The following LUZP2 variants were observed in gnomAD, a reference collection of about 807,000 sequenced individuals.
LUZP2 encodes leucine zipper protein 2.
In LUZP2, 52 loss-of-function variants were observed where a neutral mutation model predicts 51.6. The observed-to-expected ratio is 1.01, with a 90% CI of 0.81 to 1.27. The LOEUF (loss-of-function observed/expected upper bound fraction) is 1.27, where lower values mean the gene tolerates loss of function less well. Ranked by LOEUF, LUZP2 falls within the 50% of genes most tolerant of loss-of-function variation. The pLI, the probability that LUZP2 is intolerant of heterozygous loss-of-function variation, is 0.00. For synonymous variants in LUZP2, 154 were observed against 137.3 expected (o/e 1.12, Z -0.85); for missense variants, 436 against 395.4 (o/e 1.10, Z -0.87).
At chr11:24,587,041 T>G (rs1853090173) in intron 1 of LUZP2, among the ~76,000 whole-genome samples, 2 of 152,142 alleles carry the variant, frequency 1.3e-5, no homozygotes, top group South Asian at 4.1e-4. Context: ...TTTCCTCTGA[T>G]GTAACACAAA....
In LUZP2 at chr11:25,053,610, G is replaced by C. The variant is rs540195065; in HGVS notation, c.858+3480G>C. ...CTAAGCCTCAGGCAACCAAAAACAT[G>C]GTTTCTTTTTGTATTTGTTTGTACC... On this transcript the variant is annotated intron_variant, in intron 10 of 11. Coordinates refer to ENST00000336930, the MANE Select transcript of LUZP2 (RefSeq NM_001009909.4). Among the ~76,000 whole-genome samples the C allele has an allele frequency of 1.2e-4, 18 of 150,088 alleles. No homozygotes were observed. In the East Asian group the frequency reaches 3.5e-3, roughly 30 times the overall value.
At chr11:24,843,651 A>T (rs1851103870) in intron 5 of LUZP2, among the ~76,000 whole-genome samples, 1 of 152,268 alleles carries the variant, frequency 6.6e-6, no homozygotes, top group South Asian at 2.1e-4. Context: ...AACAAAGAAG[A>T]GTGATATGGT....
intron 7 of LUZP2, among the ~76,000 whole-genome samples, chr11:24,969,745 A>G (rs1014110113): frequency 5.3e-5 from 8 of 152,172 alleles, no homozygotes; most frequent in Admixed American, 5.2e-4. Flanking sequence ...TTACGTCTCC[A>G]TCTTTGCAAC....
intron 1 of LUZP2, among the ~76,000 whole-genome samples, chr11:24,601,868 ATATGTATACATG>A (rs1853650987): frequency 9.8e-6 from 1 of 101,802 alleles, no homozygotes; most frequent in African/African-American, 3.4e-5. Context: ...ATATATGTGT[ATATGTATACATG>A]TATATATGTA....
chr11:24,761,944 T>G (rs1275522193), intron 4 of LUZP2, among the ~76,000 whole-genome samples: 3 of 148,062 alleles, frequency 2.0e-5, no homozygotes, highest in African/African-American at 5.0e-5. Flanking sequence ...CCTGGGGGGG[T>G]GGGGGTGAAG....
intron 1 of LUZP2, among the ~76,000 whole-genome samples, chr11:24,685,419 C>T (rs186074698): frequency 6.6e-6 from 1 of 152,288 alleles, no homozygotes; most frequent in East Asian, 1.9e-4. Context: ...CTCTACCCCA[C>T]ATACACCCTC....
chr11:25,059,622 G>A (rs962935504), intron 10 of LUZP2, among the ~76,000 whole-genome samples: 2 of 152,116 alleles, frequency 1.3e-5, no homozygotes, highest in East Asian at 3.8e-4. Context: ...TTTCTGCCTT[G>A]AGGGGGAAAA....
At chr11:24,933,439 A>G (rs1462787121) in intron 7 of LUZP2, among the ~76,000 whole-genome samples, 1 of 152,214 alleles carries the variant, frequency 6.6e-6, no homozygotes, top group Non-Finnish European at 1.5e-5. Flanking sequence ...ATTTATGACT[A>G]CAAAACTTCA....
At chr11:24,922,400 A>G (rs1279873122) in intron 7 of LUZP2, among the ~76,000 whole-genome samples, 5 of 152,184 alleles carry the variant, frequency 3.3e-5, no homozygotes, top group African/African-American at 1.2e-4. Context: ...GATTCCAGAT[A>G]TCTATAAGGG....
At chr11:25,032,400 A>G (rs990642844) in intron 9 of LUZP2, among the ~76,000 whole-genome samples, 4 of 151,852 alleles carry the variant, frequency 2.6e-5, no homozygotes, top group African/African-American at 9.7e-5. Context: ...ATGAGTTTCA[A>G]TTTTTTTTCC....
At chr11:24,940,657 G>T (rs1854721233) in intron 7 of LUZP2, among the ~76,000 whole-genome samples, 1 of 152,118 alleles carries the variant, frequency 6.6e-6, no homozygotes, top group Non-Finnish European at 1.5e-5. Context: ...CACATATTAA[G>T]TGCACAATAA....
At chr11:24,704,804 T>C (rs1027233091) in intron 1 of LUZP2, among the ~76,000 whole-genome samples, 17 of 152,098 alleles carry the variant, frequency 1.1e-4, no homozygotes, top group African/African-American at 4.1e-4. Flanking sequence ...AAACAAAAAG[T>C]TAAAGCTGAC....
chr11:24,961,264 C>T lies in LUZP2; in HGVS notation c.523-15327C>T, dbSNP rs183769406. Among the ~76,000 whole-genome samples, 270 of 152,128 alleles carry T rather than the reference C, an allele frequency of 1.8e-3. 1 individual carries two copies. The highest frequency in any genetic ancestry group is 0.013 in the South Asian group (64 of 4,800). On this transcript the variant is annotated intron_variant, in intron 7 of 11. Coordinates refer to ENST00000336930, the MANE Select transcript of LUZP2 (RefSeq NM_001009909.4). ...GAGTTCTGTAGATGTCTATTAGGTC[C>T]GCTTGGTGCAGAGCTGAGTTCAATT...
At chr11:24,621,295 C>T (rs1854486221) in intron 1 of LUZP2, among the ~76,000 whole-genome samples, 1 of 152,232 alleles carries the variant, frequency 6.6e-6, no homozygotes, top group South Asian at 2.1e-4. Flanking sequence ...AGACACTAAC[C>T]TGCTAAGGTC....
chr11:24,721,766 C>G (rs1463117159), intron 1 of LUZP2, among the ~76,000 whole-genome samples: 4 of 152,082 alleles, frequency 2.6e-5, no homozygotes, highest in Admixed American at 6.5e-5. Flanking sequence ...ATGTTTTATT[C>G]TTGTTGAAAT....
intron 1 of LUZP2, among the ~76,000 whole-genome samples, chr11:24,542,308 G>A (rs1564979971): frequency 1.3e-5 from 2 of 152,032 alleles, no homozygotes; most frequent in Non-Finnish European, 2.9e-5. Context: ...TCATGGAGGA[G>A]CCCAGTGTAC....
chr11:24,868,996 G>A (rs544434942), intron 5 of LUZP2, among the ~76,000 whole-genome samples: 60 of 152,226 alleles, frequency 3.9e-4, no homozygotes, highest in African/African-American at 1.4e-3. Context: ...ATGTATTTTC[G>A]CTATGTATCT....
intron 5 of LUZP2, among the ~76,000 whole-genome samples, chr11:24,834,996 C>G (rs1399439997): frequency 6.6e-6 from 1 of 152,030 alleles, no homozygotes; most frequent in African/African-American, 2.4e-5. Context: ...GGATATTAGA[C>G]CCCTGTCAGA....
intron 7 of LUZP2, among the ~76,000 whole-genome samples, chr11:24,941,568 G>A (rs1364592724): frequency 6.6e-6 from 1 of 152,106 alleles, no homozygotes; most frequent in Non-Finnish European, 1.5e-5. Flanking sequence ...AACACTTTCT[G>A]CAGGGCATTT....
Sources: gnomAD v4.1 joint callset for allele counts (sites outside exome capture counted in the v4.1 genomes callset) on GRCh38, gnomAD v4.1.1 for gene constraint, MANE v1.5 for transcripts, NCBI Gene and HGNC (gene_info 2026-07-23, HGNC 2026-07-21) for gene names.